The following PNKP variants were observed in gnomAD, a reference collection of about 807,000 sequenced individuals.
PNKP encodes polynucleotide kinase 3'-phosphatase, also known as bifunctional polynucleotide phosphatase/kinase.
A neutral mutation model predicts 66.2 loss-of-function variants in PNKP; 82 were observed. The observed-to-expected ratio is 1.24, with a 90% CI of 1.04 to 1.49. PNKP has a LOEUF of 1.49. PNKP is among the 40% of genes most tolerant of loss of function. PNKP has a pLI of 0.00. For missense variants in PNKP, 907 were observed against 706.8 expected, an observed-to-expected ratio of 1.28 and a Z score of -3.21; for synonymous variants, 412 against 298.9, an observed-to-expected ratio of 1.38 and a Z score of -3.90.
At chr19:49,866,771 T>A (rs2074823702) in intron 2 of PNKP, 1 of 592,950 alleles carries the variant, frequency 1.7e-6, no homozygotes, top group Admixed American at 2.9e-5. Context: ...CAGGATCATT[T>A]TTCTCTTGAC....
intron 10 of PNKP, 25 bp downstream of exon 10, chr19:49,862,513 G>A (rs1214176705): frequency 4.4e-6 from 7 of 1,602,526 alleles, no homozygotes; most frequent in South Asian, 1.1e-5. Flanking sequence ...GGGCTCGGGC[G>A]CGGGGCAGGG....
chr19:49,865,462 GC>G, intron 3 of PNKP, 36 bp from the exon 4 acceptor site: 2 of 1,483,082 alleles, frequency 1.3e-6, no homozygotes, highest in Non-Finnish European at 1.8e-6. Flanking sequence ...GACTGGCTCC[GC>G]CCCCACCGGG....
Position 49,861,636 on chromosome 19 carries a change from G to T in PNKP, c.1358C>A (p.Thr453Asn), listed in dbSNP as rs1455514180. The change falls in exon 15 of 17, where the codon ACT becomes AAT. Residue 453 changes from threonine to asparagine, a missense_variant. Transcript: ENST00000322344. Reference sequence around the variant, plus strand: ...GTTGTTGTGGCGCGCCTGCTCCAGAGTGGCGGTGAAGAGGAAGCAGCGGCA... The same window carrying T: ...GTTGTTGTGGCGCGCCTGCTCCAGATTGGCGGTGAAGAGGAAGCAGCGGCA... ...VPCRCFLFTATLEQARHNNRF... is the reference protein window; with the variant it reads ...VPCRCFLFTANLEQARHNNRF... 5 of 1,552,970 alleles carry T rather than the reference G, an allele frequency of 3.2e-6. No individual in the cohort carries two copies. Among genetic ancestry groups the T allele is most frequent in the Middle Eastern group, 1.8e-4 (1 of 5,522 alleles).
At position 49,865,283 on chromosome 19, in the gene PNKP, G is replaced by C. The variant is rs2074809939; in HGVS notation, c.342C>G (p.Ser114=). 6.2e-7 allele frequency: 1 copy of C among 1,614,096 alleles called. No homozygotes were observed. Among genetic ancestry groups the C allele is most frequent in the African/African-American group, 1.3e-5 (1 of 74,936 alleles). Residue 114 remains serine, a synonymous_variant, in exon 4 of 17, where the codon TCC becomes TCG. Coordinates refer to ENST00000322344, the MANE Select transcript of PNKP (RefSeq NM_007254.4). ...GGGTGCCAGGCGGAGTATCTGGCTGGGATTCTGGTGTGCGGGTCTCTTCCC... is the reference window on the plus strand; with the variant it reads ...GGGTGCCAGGCGGAGTATCTGGCTGCGATTCTGGTGTGCGGGTCTCTTCCC... ...LRWEETRTPE[S]QPDTPPGTPL... is the part of the protein sequence containing the mutation.
At position 49,861,667 on chromosome 19, in the gene PNKP, C is replaced by T. The variant is rs1421167718; in HGVS notation, c.1327G>A (p.Val443Ile). ...RYVQCARAAG[V>I]PCRCFLFTAT... Reference sequence around the variant, plus strand: ...GTGAAGAGGAAGCAGCGGCAGGGGACGCCCGCGGCTCGGGCACACTGGACG... The same window carrying T: ...GTGAAGAGGAAGCAGCGGCAGGGGATGCCCGCGGCTCGGGCACACTGGACG... The change falls in exon 15 of 17, where the codon GTC becomes ATC. Residue 443 changes from valine (V) to isoleucine (I), a missense_variant. Physicochemically the swap from Val to Ile is conservative, Grantham distance 29 (BLOSUM62 3). Transcript: ENST00000322344. 2 of 1,548,392 alleles carry T rather than the reference C, an allele frequency of 1.3e-6. No individual in the cohort carries two copies. Among genetic ancestry groups the T allele is most frequent in the Admixed American group, 3.9e-5 (2 of 51,038 alleles).
intron 7 of PNKP, 101 bp from the exon 8 acceptor site, chr19:49,863,861 A>G (rs530155006): frequency 1.5e-6 from 2 of 1,369,084 alleles, no homozygotes; most frequent in Non-Finnish European, 2.0e-6. Context: ...TCCTATCAGC[A>G]TCACACTGCC....
Position 49,865,403 on chromosome 19 carries a change from G to A in PNKP, c.222C>T (p.Thr74=), listed in dbSNP as rs778524160. 1.9e-6 allele frequency: 3 copies of A among 1,609,544 alleles called. No individual in the cohort carries two copies. The highest frequency in any genetic ancestry group is 2.2e-5 in the South Asian group (2 of 90,482). The part of the protein sequence containing the change: ...VKQLGVNPST[T]GTQELKPGLE... ...ACCCCGGCTTCAACTCCTGGGTCCCGGTAGTTGAGGGGTTAACTCCCAGCT... is the reference window on the plus strand; with the variant it reads ...ACCCCGGCTTCAACTCCTGGGTCCCAGTAGTTGAGGGGTTAACTCCCAGCT... Residue 74 remains threonine (T), a synonymous_variant, in exon 4 of 17, where the codon ACC becomes ACT. Transcript: ENST00000322344.
intron 6 of PNKP, 50 bp from the exon 7 acceptor site, chr19:49,864,121 C>G: frequency 1.2e-6 from 2 of 1,611,972 alleles, no homozygotes; most frequent in Non-Finnish European, 1.7e-6. Flanking sequence ...GGGCCTTGGT[C>G]TGACTGCGGT....
chr19:49,862,183 A>AC lies in PNKP; in HGVS notation c.1126+1dup. 1 of 1,613,498 alleles carries AC rather than the reference A, an allele frequency of 6.2e-7. No homozygotes were observed. Among genetic ancestry groups the AC allele is most frequent in the Non-Finnish European group, 8.5e-7 (1 of 1,179,694 alleles). On this transcript the variant is annotated splice_donor_variant, in intron 12 of 16. Coordinates refer to ENST00000322344, the MANE Select transcript of PNKP (RefSeq NM_007254.4). LOFTEE classifies it high-confidence loss of function. ...GCACGCGCACAGGAACAGGACACTT[A>AC]CCCCCAGGGAATCCCACTGCGACAA...
chr19:49,862,952 C>CTTCACCTCCTCCCG, intron 8 of PNKP: 1 of 657,116 alleles, frequency 1.5e-6, no homozygotes, highest in South Asian at 1.7e-5. Flanking sequence ...GGTCTCCCGA[C>CTTCACCTCCTCCCG]TTCACCTCCT....
At chr19:49,865,034 G>C (rs2122337909) in intron 4 of PNKP, 93 bp downstream of exon 4, 1 of 1,019,532 alleles carries the variant, frequency 9.8e-7, no homozygotes, top group South Asian at 1.4e-5. Context: ...TCTCAGAAAA[G>C]TAAGTAGAGG....
Position 49,863,993 on chromosome 19 carries a change from C to T in PNKP, c.715G>A (p.Val239Met). ...AEEFKAKVEA[V>M]VEKLGVPFQV... ...AAGGGGACCCCCAGCTTCTCCACCA[C>T]AGCCTCCACCTTGGCCTTGAACTCC... is the stretch of plus-strand genomic sequence containing the variant. Residue 239 changes from valine to methionine, a missense_variant, in exon 7 of 17, where the codon GTG (valine) becomes ATG (methionine). Val to Met is a conservative substitution (Grantham distance 21, BLOSUM62 1). Transcript: ENST00000322344. 1 of 1,614,056 alleles carries T rather than the reference C, an allele frequency of 6.2e-7. No homozygotes were observed. Among genetic ancestry groups the T allele is most frequent in the Non-Finnish European group, 8.5e-7 (1 of 1,179,948 alleles).
chr19:49,865,533 C>CT, intron 3 of PNKP, 107 bp from the exon 4 acceptor site: 1 of 731,256 alleles, frequency 1.4e-6, no homozygotes, highest in Admixed American at 2.2e-5. Flanking sequence ...CTATCAGACC[C>CT]TTAGGCCCCA....
intron 3 of PNKP, chr19:49,866,132 C>A (rs2074817879): frequency 8.0e-6 from 4 of 497,968 alleles, no homozygotes; most frequent in Non-Finnish European, 1.5e-5. Context: ...CCCGCTTCAG[C>A]CTCCCGATTA....
chr19:49,866,106 G>A (rs537077578), intron 3 of PNKP: 1 of 461,152 alleles, frequency 2.2e-6, no homozygotes, highest in South Asian at 2.0e-5. Flanking sequence ...TTGACCTACT[G>A]GGCTCAAGGG....
In PNKP at chr19:49,862,180, C is replaced by G. The variant is rs1385764453; in HGVS notation, c.1126+5G>C. On this transcript the variant is annotated splice_donor_5th_base_variant and intron_variant, in intron 12 of 16. Transcript: ENST00000322344. Reference sequence around the variant, plus strand: ...AGGGCACGCGCACAGGAACAGGACACTTACCCCCAGGGAATCCCACTGCGA... The same window carrying G: ...AGGGCACGCGCACAGGAACAGGACAGTTACCCCCAGGGAATCCCACTGCGA... 3.7e-6 allele frequency: 6 copies of G among 1,613,898 alleles called. No homozygotes were observed. Among genetic ancestry groups the G allele is most frequent in the Non-Finnish European group, 5.1e-6 (6 of 1,179,826 alleles).
chr19:49,867,084 C>A lies in PNKP; in HGVS notation c.121G>T (p.Val41Phe), dbSNP rs2074826079. The change falls in exon 2 of 17, where the codon GTT (valine) becomes TTT (phenylalanine). Residue 41 changes from valine (V) to phenylalanine (F), a missense_variant. Coordinates refer to ENST00000322344, the MANE Select transcript of PNKP (RefSeq NM_007254.4). ...LVLGRGPLTQ[V>F]TDRKCSRTQV... ...GTTCTGGAGCACTTCCGGTCCGTAA[C>A]CTGGGTCAGGGGTCCCCTGCCCAGG... 1 of 1,613,904 alleles carries A rather than the reference C, an allele frequency of 6.2e-7. No individual in the cohort carries two copies. The highest frequency in any genetic ancestry group is 8.5e-7 in the Non-Finnish European group (1 of 1,179,986).
At chr19:49,863,917 G>C in intron 7 of PNKP, 47 bp downstream of exon 7, 1 of 1,503,374 alleles carries the variant, frequency 6.7e-7, no homozygotes, top group South Asian at 1.1e-5. Flanking sequence ...CCCTCGCTCT[G>C]GATCTCTGTG....
Position 49,861,676 on chromosome 19 carries a change from C to CTCGG in PNKP, c.1314_1317dup (p.Ala440ProfsTer55), listed in dbSNP as rs770344860. 6 of 1,547,486 alleles carry CTCGG rather than the reference C, an allele frequency of 3.9e-6. No homozygotes were observed. The South Asian group carries it at 7.1e-5, about 18-fold the overall frequency. On this transcript the variant is annotated frameshift_variant, in exon 15 of 17. Transcript: ENST00000322344. LOFTEE classifies it high-confidence loss of function. Reference sequence around the variant, plus strand: ...AAGCAGCGGCAGGGGACGCCCGCGGCTCGGGCACACTGGACGTACCTGTGG... The same window carrying CTCGG: ...AAGCAGCGGCAGGGGACGCCCGCGGCTCGGTCGGGCACACTGGACGTACCTGTGG...
Sources: gnomAD v4.1 joint callset for allele counts on GRCh38, gnomAD v4.1.1 for gene constraint, MANE v1.5 for transcripts, NCBI Gene and HGNC (gene_info 2026-07-23, HGNC 2026-07-21) for gene names.